CAPN3: variants seen among roughly 807,000 people sequenced by gnomAD.
CAPN3 encodes the protein calpain 3.
Under a neutral mutation model 114.0 loss-of-function variants are expected in CAPN3, and 88 were observed. The ratio of observed to expected loss-of-function variants is 0.77; its 90% CI spans 0.65 to 0.92. CAPN3 has a LOEUF of 0.92. Among genes scored for constraint, CAPN3 ranks in the 40% least tolerant of loss-of-function variants. CAPN3 has a pLI of 0.00. For missense variants in CAPN3, 1,028 were observed against 1,069.0 expected (o/e 0.96, Z 0.53); for synonymous variants, 386 against 382.9 (o/e 1.01, Z -0.09).
intron 2 of CAPN3, chr15:42,385,923 T>A (rs758343810): frequency 4.3e-6 from 3 of 703,860 alleles, no homozygotes; most frequent in Non-Finnish European, 7.9e-6. Flanking sequence ...AGGAACTGCC[T>A]GCAGCCTTGA....
intron 16 of CAPN3, chr15:42,408,764 G>A: frequency 3.0e-6 from 1 of 334,980 alleles, no homozygotes; most frequent in Non-Finnish European, 5.8e-6. Flanking sequence ...TGGAGTGGGA[G>A]CTTAGTGGAG....
At chr15:42,385,565 G>GAGCA (rs1401849771) in intron 2 of CAPN3, 9 of 458,316 alleles carry the variant, frequency 2.0e-5, no homozygotes, top group Admixed American at 4.6e-5. Flanking sequence ...GAGAGAAAGA[G>GAGCA]AGCAAAGTGT....
At chr15:42,411,563 C>T (rs1245794170) in intron 23 of CAPN3, among the ~76,000 whole-genome samples, 184 bp from the exon 24 acceptor site, 1 of 151,846 alleles carries the variant, frequency 6.6e-6, no homozygotes, top group Non-Finnish European at 1.5e-5. Flanking sequence ...TGCGGGAAAA[C>T]ATGCACCTTC....
At position 42,359,504 on chromosome 15, in the gene CAPN3, CTCTT is replaced by C. The variant is rs1317760214; in HGVS notation, c.-298_-295del. 37 of 1,251,628 alleles carry C rather than the reference CTCTT, an allele frequency of 3.0e-5. No homozygotes were observed. The highest frequency in any genetic ancestry group is 5.7e-5 in the South Asian group (3 of 52,606). 77.5% of individuals were successfully genotyped at this position (1,251,628 alleles called of 1,614,324 possible). On this transcript the variant is annotated 5_prime_UTR_variant, in exon 1 of 24. Coordinates refer to ENST00000397163, the MANE Select transcript of CAPN3 (RefSeq NM_000070.3). The stretch of plus-strand genomic sequence containing the variant: ...AGGCCACTGAAACACAACCCTCACT[CTCTT>C]TCTCTCTCCCTCTGGCATGCATGCT...
intron 5 of CAPN3, 113 bp from the exon 6 acceptor site, chr15:42,389,840 C>A: frequency 8.8e-7 from 1 of 1,138,578 alleles, no homozygotes; most frequent in Non-Finnish European, 1.3e-6. Context: ...TTGATCTCTC[C>A]TCTCTCCCTT....
intron 2 of CAPN3, chr15:42,385,681 G>C: frequency 1.9e-6 from 1 of 520,034 alleles, no homozygotes; most frequent in South Asian, 1.4e-5. Context: ...CCCTATAGAC[G>C]GGTTCCAGGG....
chr15:42,388,825 G>A, intron 4 of CAPN3, 103 bp from the exon 5 acceptor site: 1 of 920,326 alleles, frequency 1.1e-6, no homozygotes, highest in Non-Finnish European at 1.8e-6. Context: ...ATTGATGAAA[G>A]AACATCACAG....
rs62022299 is a variant in CAPN3, at chr15:42,411,942, C to G, written c.*169C>G. On this transcript the variant is annotated 3_prime_UTR_variant, in exon 24 of 24. Transcript: ENST00000397163. Reference sequence around the variant, plus strand: ...ATTTTACCCCCTACCCATCCTTGATCGGTCATGCCTAGCCTGACCCTTTAG... The same window carrying G: ...ATTTTACCCCCTACCCATCCTTGATGGGTCATGCCTAGCCTGACCCTTTAG... The G allele has an allele frequency of 7.2e-5, 111 of 1,539,474 alleles. No individual in the cohort carries two copies. In the Middle Eastern group the frequency reaches 1.7e-3, roughly 23 times the overall value.
intron 1 of CAPN3, among the ~76,000 whole-genome samples, chr15:42,369,881 T>C (rs1019452041): frequency 2.6e-5 from 4 of 150,974 alleles, no homozygotes; most frequent in African/African-American, 9.7e-5. Flanking sequence ...TTTTTTTTTT[T>C]TTTTTTTGAG....
intron 1 of CAPN3, among the ~76,000 whole-genome samples, chr15:42,377,438 A>G (rs2053119014): frequency 6.6e-6 from 1 of 152,230 alleles, no homozygotes; most frequent in African/African-American, 2.4e-5. Context: ...ATATGGTTAT[A>G]TAATTGCTTT....
intron 23 of CAPN3, 65 bp downstream of exon 23, chr15:42,411,410 C>T (rs576774586): frequency 8.3e-5 from 116 of 1,394,942 alleles, no homozygotes; most frequent in African/African-American, 2.4e-4. Flanking sequence ...GTCAACGGGG[C>T]GGACTGGACC....
chr15:42,366,720 G>A (rs1476639160), intron 1 of CAPN3, among the ~76,000 whole-genome samples: 3 of 152,134 alleles, frequency 2.0e-5, no homozygotes, highest in South Asian at 2.1e-4. Context: ...AGGGAGGAGA[G>A]CTAGAACTGA....
chr15:42,410,542 T>C, intron 20 of CAPN3, 46 bp downstream of exon 20: 1 of 1,612,512 alleles, frequency 6.2e-7, no homozygotes, highest in Non-Finnish European at 8.5e-7. Context: ...GGGGTTGATT[T>C]GGAGATTCAG....
intron 12 of CAPN3, 132 bp downstream of exon 12, chr15:42,402,267 G>A: frequency 6.3e-7 from 1 of 1,598,522 alleles, no homozygotes; most frequent in East Asian, 2.2e-5. Context: ...CCTTGCCTGT[G>A]TTATTTCCAC....
At chr15:42,381,896 T>C (rs372525282) in intron 1 of CAPN3, among the ~76,000 whole-genome samples, 1 of 152,220 alleles carries the variant, frequency 6.6e-6, no homozygotes. Flanking sequence ...TCAGTCCTTA[T>C]GTTAGTGTCC....
chr15:42,405,502 G>C (rs1426688221), intron 14 of CAPN3, among the ~76,000 whole-genome samples: 1 of 152,020 alleles, frequency 6.6e-6, no homozygotes, highest in African/African-American at 2.4e-5. Context: ...AGTCGAGATG[G>C]GGTTTCACCA....
Position 42,412,065 on chromosome 15 carries a change from C to T in CAPN3, c.*292C>T, listed in dbSNP as rs1465016510. The T allele has an allele frequency of 6.5e-7, 1 of 1,530,828 alleles. No individual in the cohort carries two copies. The highest frequency in any genetic ancestry group is 2.0e-5 in the Admixed American group (1 of 50,272). 94.8% of individuals were successfully genotyped at this position (1,530,828 alleles called of 1,614,324 possible). On this transcript the variant is annotated 3_prime_UTR_variant, in exon 24 of 24. Coordinates refer to ENST00000397163, the MANE Select transcript of CAPN3 (RefSeq NM_000070.3). ...AGCCGCCTCGGTTCTGAAGCGAGTG[C>T]TCCTGCTTACCTTGCTCTAGGCTGT... is the stretch of plus-strand genomic sequence containing the variant.
intron 21 of CAPN3, 70 bp downstream of exon 21, chr15:42,410,736 G>GCC: frequency 5.0e-6 from 7 of 1,391,408 alleles, no homozygotes; most frequent in Non-Finnish European, 6.1e-6. Context: ...AGGGGACTAG[G>GCC]CTACTAGGGC....
rs1595847553 is a variant in CAPN3, at chr15:42,410,730, G to T, written c.2263+64G>T. 6.9e-6 allele frequency: 10 copies of T among 1,441,682 alleles called. No individual in the cohort carries two copies. The East Asian group carries it at 1.6e-4, about 23-fold the overall frequency. 89.3% of individuals were successfully genotyped at this position (1,441,682 alleles called of 1,614,324 possible). The stretch of plus-strand genomic sequence containing the variant: ...GACGGTGGGAGCAGGAATGGGAGGG[G>T]ACTAGGCTACTAGGGCCCCACTAGA... On this transcript the variant is annotated intron_variant, in intron 21 of 23. Coordinates refer to ENST00000397163, the MANE Select transcript of CAPN3 (RefSeq NM_000070.3).
Sources: allele counts gnomAD v4.1 joint callset (sites outside exome capture counted in the v4.1 genomes callset), GRCh38; gene constraint gnomAD v4.1.1; transcripts MANE v1.5; gene names NCBI Gene and HGNC (gene_info 2026-07-23, HGNC 2026-07-21).